SOAT1: variants seen among roughly 807,000 people sequenced by gnomAD.
The protein encoded by SOAT1 is sterol O-acyltransferase 1, also known as acyl-coenzyme A:cholesterol acyltransferase 1.
Under a neutral mutation model 69.5 loss-of-function variants are expected in SOAT1, and 55 were observed. The ratio of observed to expected loss-of-function variants is 0.79; its 90% CI spans 0.64 to 0.99. The LOEUF is 0.99. SOAT1 is among the 50% of genes least tolerant of loss of function. The pLI, the probability that SOAT1 is intolerant of heterozygous loss-of-function variation, is 0.00. For synonymous variants in SOAT1, 231 were observed against 224.7 expected, an observed-to-expected ratio of 1.03 and a Z score of -0.25; for missense variants, 580 against 669.3, an observed-to-expected ratio of 0.87 and a Z score of 1.47.
At chr1:179,313,888 A>G (rs1353811604) in intron 2 of SOAT1, among the ~76,000 whole-genome samples, 1 of 152,176 alleles carries the variant, frequency 6.6e-6, no homozygotes, top group South Asian at 2.1e-4. Flanking sequence ...CTGGCCACAC[A>G]TTGTATGTTT....
At chr1:179,318,150 G>A (rs1424532894) in intron 2 of SOAT1, among the ~76,000 whole-genome samples, 2 of 151,234 alleles carry the variant, frequency 1.3e-5, no homozygotes, top group Admixed American at 1.3e-4. Context: ...AGCTGTGATT[G>A]TGCCACTGCA....
chr1:179,323,041 CTTTCT>C (rs1285454951), intron 2 of SOAT1, among the ~76,000 whole-genome samples: 1 of 98,722 alleles, frequency 1.0e-5, no homozygotes, highest in Non-Finnish European at 2.2e-5. Flanking sequence ...CTTTTCTTTT[CTTTCT>C]TTTTTTTTTT....
intron 3 of SOAT1, among the ~76,000 whole-genome samples, chr1:179,323,704 G>T (rs1665685369): frequency 6.6e-6 from 1 of 152,076 alleles, no homozygotes; most frequent in African/African-American, 2.4e-5. Context: ...ATCTATCACT[G>T]GCATTTTCTG....
Position 179,355,330 on chromosome 1 carries a change from T to G in SOAT1, c.*1689T>G, listed in dbSNP as rs1558062916. On this transcript the variant is annotated 3_prime_UTR_variant, in exon 16 of 16. Coordinates refer to ENST00000367619, the MANE Select transcript of SOAT1 (RefSeq NM_003101.6). Reference sequence around the variant, plus strand: ...TTATTTTGAATTTATAACTGCATTTTAAATATATTGGGGACAGATTGCGCT... The same window carrying G: ...TTATTTTGAATTTATAACTGCATTTGAAATATATTGGGGACAGATTGCGCT... 2 of 152,190 alleles carry G rather than the reference T, an allele frequency of 1.3e-5. No individual in the cohort carries two copies. Among genetic ancestry groups the G allele is most frequent in the African/African-American group, 4.8e-5 (2 of 41,432 alleles). The allele number at this position is 152,190 out of a possible 1,614,324, so 9.4% of individuals were successfully genotyped here. A position where few individuals can be genotyped will look rare whatever the true frequency, so the allele number is the denominator to read the frequency against.
intron 15 of SOAT1, among the ~76,000 whole-genome samples, chr1:179,352,250 C>CTT (rs369185631): frequency 1.3e-4 from 19 of 142,038 alleles, no homozygotes; most frequent in East Asian, 4.1e-4. Flanking sequence ...AGGAGGATGG[C>CTT]TTTTTTTTTT....
intron 2 of SOAT1, among the ~76,000 whole-genome samples, chr1:179,307,190 T>C (rs1665037710): frequency 6.6e-6 from 1 of 152,192 alleles, no homozygotes; most frequent in South Asian, 2.1e-4. Flanking sequence ...CTGCTGCCAC[T>C]TGTAATCCTC....
intron 2 of SOAT1, among the ~76,000 whole-genome samples, chr1:179,320,871 C>A (rs1359795701): frequency 6.6e-6 from 1 of 151,768 alleles, no homozygotes; most frequent in Non-Finnish European, 1.5e-5. Context: ...GTGTCAGGGA[C>A]TACAGGCGCA....
At chr1:179,350,273 G>T (rs773769051) in intron 13 of SOAT1, 23 bp from the exon 14 acceptor site, 15 of 1,603,840 alleles carry the variant, frequency 9.4e-6, no homozygotes, top group Non-Finnish European at 9.4e-6. Flanking sequence ...AAATTACTTT[G>T]TAGTGTTTTC....
Position 179,341,211 on chromosome 1 carries a change from C to G in SOAT1, c.681C>G (p.Phe227Leu), listed in dbSNP as rs1666326259. The G allele has an allele frequency of 1.2e-6, 2 of 1,614,116 alleles. No homozygotes were observed. Among genetic ancestry groups the G allele is most frequent in the East Asian group, 4.5e-5 (2 of 44,884 alleles). ...GTTCTCTCTTCCATGGCTTTCTTTTCATGATCTTCCAGATTGGAGTTCTAG... is the reference window on the plus strand; with the variant it reads ...GTTCTCTCTTCCATGGCTTTCTTTTGATGATCTTCCAGATTGGAGTTCTAG... ...LIRSLFHGFLFMIFQIGVLGF... is the reference protein window; with the variant it reads ...LIRSLFHGFLLMIFQIGVLGF... The change falls in exon 7 of 16, where the codon TTC becomes TTG. Residue 227 changes from phenylalanine (F) to leucine (L), a missense_variant. Transcript: ENST00000367619.
chr1:179,316,598 G>T (rs1315448963), intron 2 of SOAT1, among the ~76,000 whole-genome samples: 1 of 152,058 alleles, frequency 6.6e-6, no homozygotes, highest in African/African-American at 2.4e-5. Context: ...TCTCCATGTT[G>T]GTCAGGCTGG....
At position 179,355,364 on chromosome 1, in the gene SOAT1, G is replaced by A. The variant is rs1666873501; in HGVS notation, c.*1723G>A. The A allele has an allele frequency of 6.6e-6, 1 of 152,154 alleles. No homozygotes were observed. Among genetic ancestry groups the A allele is most frequent in the Non-Finnish European group, 1.5e-5 (1 of 68,036 alleles). 9.4% of individuals were successfully genotyped at this position (152,154 alleles called of 1,614,324 possible). A position where few individuals can be genotyped will look rare whatever the true frequency, so the allele number is the denominator to read the frequency against. ...TGGGGACAGATTGCGCTGAGACCTG[G>A]TTATGAGCAAGCCAATCTTTTGAAT... On this transcript the variant is annotated 3_prime_UTR_variant, in exon 16 of 16. Transcript: ENST00000367619.
intron 2 of SOAT1, among the ~76,000 whole-genome samples, chr1:179,312,471 T>C (rs559751245): frequency 3.3e-4 from 50 of 152,356 alleles, no homozygotes; most frequent in African/African-American, 1.2e-3. Context: ...AAACCTTCGC[T>C]AGAAATTCCC....
intron 1 of SOAT1, among the ~76,000 whole-genome samples, chr1:179,300,849 A>G (rs1282355761): frequency 6.6e-6 from 1 of 152,106 alleles, no homozygotes; most frequent in Non-Finnish European, 1.5e-5. Flanking sequence ...TAATCCCAGC[A>G]CTTTGGGAGG....
At chr1:179,312,567 G>T (rs1428495559) in intron 2 of SOAT1, among the ~76,000 whole-genome samples, 1 of 152,096 alleles carries the variant, frequency 6.6e-6, no homozygotes, top group African/African-American at 2.4e-5. Context: ...TCTTTTCTAC[G>T]CTACTTTGTT....
chr1:179,310,733 G>GT (rs199898354), intron 2 of SOAT1, among the ~76,000 whole-genome samples: 1,857 of 152,268 alleles, frequency 0.012, 41 homozygotes, highest in African/African-American at 0.042. Context: ...GTCAATGAGA[G>GT]TTTTTTAGAA....
chr1:179,325,997 C>T (rs1665777217), intron 3 of SOAT1, among the ~76,000 whole-genome samples: 1 of 152,076 alleles, frequency 6.6e-6, no homozygotes, highest in Non-Finnish European at 1.5e-5. Flanking sequence ...GTGTATTGTG[C>T]AGGTGACATA....
Position 179,332,194 on chromosome 1 carries a change from GAA to G in SOAT1, c.178-3311_178-3310del, listed in dbSNP as rs1438500869. 2.0e-5 allele frequency among the ~76,000 whole-genome samples: 3 copies of G among 152,274 alleles called. No individual in the cohort carries two copies. The East Asian group carries it at 5.8e-4, about 29-fold the overall frequency. On this transcript the variant is annotated intron_variant, in intron 3 of 15. Coordinates refer to ENST00000367619, the MANE Select transcript of SOAT1 (RefSeq NM_003101.6). ...CTCTGCCTGGAAGCCTTTTTAGGTA[GAA>G]GAGTTATCTTTCTAAGATGCAAATC...
intron 8 of SOAT1, among the ~76,000 whole-genome samples, chr1:179,342,513 C>T (rs558434654): frequency 1.4e-4 from 21 of 151,870 alleles, no homozygotes; most frequent in Non-Finnish European, 2.5e-4. Context: ...CTGACTATTC[C>T]GGCTTTGCCC....
rs1219323121 is a variant in SOAT1 at position 179,348,826 on chromosome 1, C to G, written c.1216-18C>G. 3.0e-6 allele frequency: 3 copies of G among 1,009,782 alleles called. No individual in the cohort carries two copies. The highest frequency in any genetic ancestry group is 1.8e-5 in the Admixed American group (1 of 54,782). 62.6% of individuals were successfully genotyped at this position (1,009,782 alleles called of 1,614,324 possible). A position where few individuals can be genotyped will look rare whatever the true frequency, so the allele number is the denominator to read the frequency against. ...TGTGTGTGTGTGTGTAGTTTTATACCTTTACTTTTTCCCTCAGGATTGGTG... is the reference window on the plus strand; with the variant it reads ...TGTGTGTGTGTGTGTAGTTTTATACGTTTACTTTTTCCCTCAGGATTGGTG... On this transcript the variant is annotated intron_variant, in intron 12 of 15. Coordinates refer to ENST00000367619, the MANE Select transcript of SOAT1 (RefSeq NM_003101.6).
Sources: gnomAD v4.1 joint callset for allele counts (sites outside exome capture counted in the v4.1 genomes callset) on GRCh38, gnomAD v4.1.1 for gene constraint, MANE v1.5 for transcripts, NCBI Gene and HGNC (gene_info 2026-07-23, HGNC 2026-07-21) for gene names.